ETFBKMT: variants seen among roughly 807,000 people sequenced by gnomAD.
ETFBKMT encodes electron transfer flavoprotein beta subunit lysine methyltransferase.
Under a neutral mutation model 18.3 loss-of-function variants are expected in ETFBKMT, and 13 were observed. That is an observed-to-expected ratio of 0.71 (90% CI 0.46 to 1.13). The LOEUF (loss-of-function observed/expected upper bound fraction) is 1.13. ETFBKMT is among the 50% of genes most tolerant of loss of function. The pLI is 0.00. For synonymous variants in ETFBKMT, 84 were observed against 107.9 expected, an observed-to-expected ratio of 0.78 and a Z score of 1.37; for missense variants, 293 against 306.2, an observed-to-expected ratio of 0.96 and a Z score of 0.32.
chr12:31,660,399 T>C lies in ETFBKMT; in HGVS notation c.-114+610T>C, dbSNP rs75661919. ...TTGGATTTTTGACCCCTAAATACTT[T>C]AGTGGATTTAAGACCATTTAAAACA... On this transcript the variant is annotated intron_variant, in intron 1 of 3. Transcript: ENST00000357721. Among the ~76,000 whole-genome samples the C allele has an allele frequency of 4.6e-5, 7 of 152,254 alleles. No homozygotes were observed. The East Asian group carries it at 1.4e-3, about 29-fold the overall frequency.
chr12:31,662,259 C>T lies in ETFBKMT; in HGVS notation c.306C>T (p.Ala102=). ...CAATCTACTGGCCAGGAGGCCAAGC[C>T]CTGTCTAGGTACTACCCTAATGAAA... ...YWAIYWPGGQ[A]LSRYLLDNPD... Residue 102 remains alanine, a synonymous_variant, in exon 2 of 4, where the codon GCC becomes GCT. Coordinates refer to ENST00000357721, the MANE Select transcript of ETFBKMT (RefSeq NM_001135863.2). The T allele has an allele frequency of 2.5e-6, 4 of 1,613,972 alleles. No homozygotes were observed. Among genetic ancestry groups the T allele is most frequent in the Non-Finnish European group, 3.4e-6 (4 of 1,179,942 alleles).
intron 1 of ETFBKMT, among the ~76,000 whole-genome samples, chr12:31,652,638 G>C (rs570830526): frequency 6.6e-6 from 1 of 152,268 alleles, no homozygotes; most frequent in South Asian, 2.1e-4. Flanking sequence ...ACGATCCCAA[G>C]GGAGTAGAGG....
chr12:31,668,202 G>T lies in ETFBKMT; in HGVS notation c.*212G>T. The T allele has an allele frequency of 4.2e-6, 2 of 475,010 alleles. No homozygotes were observed. Among genetic ancestry groups the T allele is most frequent in the South Asian group, 4.0e-5 (1 of 25,022 alleles). The allele number at this position is 475,010 out of a possible 1,614,324, so 29.4% of individuals were successfully genotyped here. On this transcript the variant is annotated 3_prime_UTR_variant, in exon 4 of 4. Transcript: ENST00000357721. ...ATGCCAATTATACACATCTCTATCTGCATTTTTTTTTCTATTTTAACCGCT... is the reference window on the plus strand; with the variant it reads ...ATGCCAATTATACACATCTCTATCTTCATTTTTTTTTCTATTTTAACCGCT...
chr12:31,662,295 G>A (rs750627507), intron 2 of ETFBKMT, 28 bp downstream of exon 2: 4 of 1,598,978 alleles, frequency 2.5e-6, no homozygotes, highest in South Asian at 2.2e-5. Flanking sequence ...CCTTTAAGGC[G>A]CTACAGATCT....
upstream of ETFBKMT, among the ~76,000 whole-genome samples, chr12:31,654,357 C>A (rs1323907779): frequency 1.3e-5 from 2 of 152,178 alleles, no homozygotes; most frequent in Non-Finnish European, 2.9e-5. Context: ...GCAGGCACAA[C>A]CATTTTAGAA....
upstream of ETFBKMT, among the ~76,000 whole-genome samples, chr12:31,656,914 T>A (rs1254215587): frequency 6.6e-6 from 1 of 152,250 alleles, no homozygotes; most frequent in African/African-American, 2.4e-5. Context: ...TTTCTAATAA[T>A]GATCATCACT....
upstream of ETFBKMT, among the ~76,000 whole-genome samples, chr12:31,658,793 T>C (rs1951083878): frequency 6.6e-6 from 1 of 152,154 alleles, no homozygotes; most frequent in Non-Finnish European, 1.5e-5. Context: ...GGTGGATATA[T>C]GTAGATCCAG....
At chr12:31,650,642 T>TTTTTTTTTTTTTTAA (rs1555182738) in intron 1 of ETFBKMT, among the ~76,000 whole-genome samples, 2 of 150,642 alleles carry the variant, frequency 1.3e-5, no homozygotes, top group African/African-American at 4.9e-5. Flanking sequence ...TTTTTTTTTT[T>TTTTTTTTTTTTTTAA]AAAGAATCAC....
rs1269737137 is a variant in ETFBKMT at position 31,667,630 on chromosome 12, C to T, written c.446-17C>T. On this transcript the variant is annotated splice_polypyrimidine_tract_variant and intron_variant, in intron 3 of 3. Coordinates refer to ENST00000357721, the MANE Select transcript of ETFBKMT (RefSeq NM_001135863.2). Reference sequence around the variant, plus strand: ...CTAGCATATACCAATTCATTTTGTGCTTTTTTTTTTTTTAAGTTGCAGGAA... The same window carrying T: ...CTAGCATATACCAATTCATTTTGTGTTTTTTTTTTTTTTAAGTTGCAGGAA... 1.5e-6 allele frequency: 2 copies of T among 1,378,852 alleles called. No homozygotes were observed. Among genetic ancestry groups the T allele is most frequent in the African/African-American group, 1.5e-5 (1 of 66,002 alleles). The allele number at this position is 1,378,852 out of a possible 1,614,324, so 85.4% of individuals were successfully genotyped here. A position where few individuals can be genotyped will look rare whatever the true frequency, so the allele number is the denominator to read the frequency against.
chr12:31,666,898 C>T (rs1025819898), intron 3 of ETFBKMT, among the ~76,000 whole-genome samples: 1 of 151,876 alleles, frequency 6.6e-6, no homozygotes, highest in African/African-American at 2.4e-5. Context: ...ACCTCGTGAT[C>T]TGCCCGTCTT....
At chr12:31,664,225 G>A (rs1354251219) in intron 2 of ETFBKMT, among the ~76,000 whole-genome samples, 3 of 151,558 alleles carry the variant, frequency 2.0e-5, no homozygotes, top group Admixed American at 6.6e-5. Flanking sequence ...ATCCCTCTTC[G>A]CTTGTTTGGT....
At chr12:31,652,031 G>C (rs887239515) in intron 1 of ETFBKMT, among the ~76,000 whole-genome samples, 3 of 152,104 alleles carry the variant, frequency 2.0e-5, no homozygotes, top group African/African-American at 7.2e-5. Flanking sequence ...AGATGGTGTT[G>C]ATCAACTAGA....
At chr12:31,663,501 C>T (rs1951155133) in intron 2 of ETFBKMT, among the ~76,000 whole-genome samples, 1 of 152,240 alleles carries the variant, frequency 6.6e-6, no homozygotes, top group South Asian at 2.1e-4. Context: ...GCTGGGATTA[C>T]AGGCATGAGC....
At chr12:31,655,449 G>A (rs929701365), upstream of ETFBKMT, among the ~76,000 whole-genome samples, 3 of 152,170 alleles carry the variant, frequency 2.0e-5, no homozygotes, top group Non-Finnish European at 2.9e-5. Context: ...GTCACTTTAA[G>A]TCTGTGACTT....
chr12:31,654,716 CAAAGT>C (rs1951045440), upstream of ETFBKMT, among the ~76,000 whole-genome samples: 1 of 151,978 alleles, frequency 6.6e-6, no homozygotes, highest in Non-Finnish European at 1.5e-5. Flanking sequence ...CTAGAAAAAG[CAAAGT>C]AATCTGTAGC....
intron 3 of ETFBKMT, 89 bp downstream of exon 3, chr12:31,666,306 C>G: frequency 1.5e-6 from 2 of 1,336,630 alleles, no homozygotes; most frequent in South Asian, 2.9e-5. Context: ...GGTAGCTTAT[C>G]GTTATATGTA....
chr12:31,669,825 T>TC lies in ETFBKMT; in HGVS notation c.*1835_*1836insC, dbSNP rs1951244506. The TC allele has an allele frequency of 1.3e-5, 2 of 151,862 alleles. No homozygotes were observed. Among genetic ancestry groups the TC allele is most frequent in the East Asian group, 1.9e-4 (1 of 5,184 alleles). The allele number at this position is 151,862 out of a possible 1,614,324, so 9.4% of individuals were successfully genotyped here. On this transcript the variant is annotated 3_prime_UTR_variant, in exon 4 of 4. Transcript: ENST00000357721. ...GATTCCTAGAGCTTTTGATTCTTTT[T>TC]TTTTTTTTTTTGAGGCAGAGTTTCA...
At chr12:31,661,738 C>T (rs575350911) in intron 1 of ETFBKMT, 103 bp from the exon 2 acceptor site, 9 of 503,816 alleles carry the variant, frequency 1.8e-5, no homozygotes, top group Admixed American at 6.6e-5. Context: ...GGATTACAGG[C>T]GTGAGCCACC....
At chr12:31,651,725 C>T (rs1327213110) in intron 1 of ETFBKMT, among the ~76,000 whole-genome samples, 1 of 152,170 alleles carries the variant, frequency 6.6e-6, no homozygotes, top group Non-Finnish European at 1.5e-5. Context: ...ACTTACTAAA[C>T]GAACACTTAC....
Sources: allele counts gnomAD v4.1 joint callset (sites outside exome capture counted in the v4.1 genomes callset), GRCh38; gene constraint gnomAD v4.1.1; transcripts MANE v1.5; gene names NCBI Gene and HGNC (gene_info 2026-07-23, HGNC 2026-07-21).